KIF18A: variants seen among roughly 807,000 people sequenced by gnomAD.
KIF18A encodes the protein kinesin-like protein KIF18A.
KIF18A carries 67 observed loss-of-function variants against 103.3 expected under a neutral mutation model. That is an observed-to-expected ratio of 0.65 (90% confidence interval 0.53 to 0.79). KIF18A has a LOEUF of 0.79. KIF18A is among the 30% of genes least tolerant of loss of function. The pLI, the probability that KIF18A is intolerant of heterozygous loss-of-function variation, is 0.00. For missense variants in KIF18A, 1,032 were observed against 1,062.5 expected (o/e 0.97, Z 0.40); for synonymous variants, 367 against 355.5 (o/e 1.03, Z -0.36).
chr11:28,067,139 A>G (rs1457169783), intron 11 of KIF18A, among the ~76,000 whole-genome samples: 1 of 152,042 alleles, frequency 6.6e-6, no homozygotes, highest in East Asian at 1.9e-4. Flanking sequence ...CTCCAACTCC[A>G]AAGTCTATCC....
At chr11:28,083,305 T>C (rs1851188857) in intron 7 of KIF18A, 62 bp from the exon 8 acceptor site, 1 of 1,462,312 alleles carries the variant, frequency 6.8e-7, no homozygotes, top group Non-Finnish European at 9.0e-7. Flanking sequence ...GATAAATACA[T>C]GAATAACATG....
At chr11:28,065,118 G>A (rs895347697) in intron 11 of KIF18A, among the ~76,000 whole-genome samples, 3 of 152,072 alleles carry the variant, frequency 2.0e-5, no homozygotes, top group African/African-American at 7.2e-5. Flanking sequence ...GGGGCATAAA[G>A]AGAAGTGGAT....
At position 28,103,676 on chromosome 11, in the gene KIF18A, A is replaced by C. The variant is rs1419703567; in HGVS notation, c.-47+4388T>G. On this transcript the variant is annotated intron_variant, in intron 1 of 16. Coordinates refer to ENST00000263181, the MANE Select transcript of KIF18A (RefSeq NM_031217.4). ...TTTCAAATATACCAATGAATGAATT[A>C]ATAAACTATAAAAAATGCTCACAGA... 2.0e-5 allele frequency among the ~76,000 whole-genome samples: 3 copies of C among 152,102 alleles called. No individual in the cohort carries two copies. In the East Asian group the frequency reaches 5.8e-4, roughly 29 times the overall value.
At chr11:28,088,379 G>A (rs1851258908) in intron 6 of KIF18A, 145 bp downstream of exon 6, 1 of 616,282 alleles carries the variant, frequency 1.6e-6, no homozygotes, top group South Asian at 2.5e-5. Context: ...GTTTTCTGAG[G>A]TCTTTGATCT....
At chr11:28,093,302 C>CT (rs1426036581) in intron 3 of KIF18A, among the ~76,000 whole-genome samples, 7 of 151,998 alleles carry the variant, frequency 4.6e-5, no homozygotes, top group Non-Finnish European at 8.8e-5. Flanking sequence ...AGTTTTACTT[C>CT]TTTTTTATCT....
At chr11:28,050,219 AG>A (rs1486889336) in intron 13 of KIF18A, among the ~76,000 whole-genome samples, 1 of 151,892 alleles carries the variant, frequency 6.6e-6, no homozygotes, top group Non-Finnish European at 1.5e-5. Flanking sequence ...GACAATACAA[AG>A]AACCTTTTAA....
chr11:28,067,342 C>T (rs981993996), intron 11 of KIF18A, among the ~76,000 whole-genome samples: 1 of 152,040 alleles, frequency 6.6e-6, no homozygotes, highest in Non-Finnish European at 1.5e-5. Flanking sequence ...CAATAAATAT[C>T]CACAATAAGG....
chr11:28,098,586 G>C (rs150338333), intron 1 of KIF18A, among the ~76,000 whole-genome samples: 7 of 152,212 alleles, frequency 4.6e-5, no homozygotes, highest in Non-Finnish European at 8.8e-5. Flanking sequence ...CATTCAACTA[G>C]ATAGCTCAGG....
intron 10 of KIF18A, chr11:28,076,539 T>A (rs532710863): frequency 6.6e-6 from 1 of 152,230 alleles, no homozygotes; most frequent in South Asian, 2.1e-4. Flanking sequence ...CACTTAACTA[T>A]GTATTTTAAA....
chr11:28,023,597 T>C, intron 16 of KIF18A, 144 bp downstream of exon 16: 1 of 465,492 alleles, frequency 2.1e-6, no homozygotes, highest in Middle Eastern at 5.6e-4. Flanking sequence ...ATCTATAATA[T>C]GTGGATAATC....
At position 28,107,167 on chromosome 11, in the gene KIF18A, A is replaced by G. The variant is rs140843670; in HGVS notation, c.-47+897T>C. ...TTCTCTAGCATCAAAGTTTATAAAA[A>G]CCTTACAAAAACGAAACAGGAGGCT... On this transcript the variant is annotated intron_variant, in intron 1 of 16. Transcript: ENST00000263181. 3.3e-3 allele frequency among the ~76,000 whole-genome samples: 504 copies of G among 152,284 alleles called. 6 individuals are homozygous for G. The highest frequency in any genetic ancestry group is 0.012 in the African/African-American group (487 of 41,556).
At position 28,021,241 on chromosome 11, in the gene KIF18A, T is replaced by C. The variant is rs1320765597; in HGVS notation, c.2656A>G (p.Arg886Gly). The change falls in exon 17 of 17, where the codon AGA becomes GGA. Residue 886 changes from arginine (R) to glycine (G), a missense_variant. Coordinates refer to ENST00000263181, the MANE Select transcript of KIF18A (RefSeq NM_031217.4). The part of the protein sequence containing the change: ...NICKINPSMV[R>G]KFGRNISKGN... ...TTTGAAATATTTCTTCCAAATTTTC[T>C]AACCATGCTTGGATTTATTTTACAG... is the stretch of plus-strand genomic sequence containing the variant. The C allele has an allele frequency of 1.9e-5, 29 of 1,500,266 alleles. No homozygotes were observed. Among genetic ancestry groups the C allele is most frequent in the Non-Finnish European group, 2.4e-5 (27 of 1,118,146 alleles). The allele number at this position is 1,500,266 out of a possible 1,614,324, so 92.9% of individuals were successfully genotyped here.
chr11:28,068,412 A>C (rs1449285010), intron 11 of KIF18A, among the ~76,000 whole-genome samples: 2 of 149,458 alleles, frequency 1.3e-5, no homozygotes, highest in East Asian at 4.1e-4. Flanking sequence ...CATTCTGCAT[A>C]TGTATCCCAG....
chr11:28,043,378 A>G (rs1299318197), intron 13 of KIF18A, among the ~76,000 whole-genome samples: 1 of 151,918 alleles, frequency 6.6e-6, no homozygotes, highest in African/African-American at 2.4e-5. Context: ...ACAGGAAAAA[A>G]CATAATTATA....
intron 5 of KIF18A, among the ~76,000 whole-genome samples, chr11:28,089,939 G>A (rs765022123): frequency 1.3e-5 from 2 of 152,192 alleles, no homozygotes; most frequent in African/African-American, 2.4e-5. Flanking sequence ...CGAAGAGTTA[G>A]TGGTAAGAAC....
intron 1 of KIF18A, among the ~76,000 whole-genome samples, chr11:28,103,625 CAT>C (rs1851471220): frequency 6.6e-6 from 1 of 151,950 alleles, no homozygotes; most frequent in South Asian, 2.1e-4. Context: ...CCTATTCTCT[CAT>C]AGAGAGTCTA....
intron 2 of KIF18A, among the ~76,000 whole-genome samples, chr11:28,096,440 GGCTTATTCTTAA>G (rs917620618): frequency 8.5e-5 from 13 of 152,072 alleles, no homozygotes; most frequent in African/African-American, 1.4e-4. Flanking sequence ...GGTTTAAAAT[GGCTTATTCTTAA>G]GCTTATTCTT....
At position 28,076,921 on chromosome 11, in the gene KIF18A, A is replaced by G. The variant is rs1851099848; in HGVS notation, c.1425+86T>C. ...TGCACTCCAGCTTGGGCAACAGAAG[A>G]AGAGACTCCTTCTGAAAAAAAAAAA... On this transcript the variant is annotated intron_variant, in intron 10 of 16. Transcript: ENST00000263181. 3 of 698,360 alleles carry G rather than the reference A, an allele frequency of 4.3e-6. No homozygotes were observed. The Admixed American group carries it at 1.1e-4, about 26-fold the overall frequency. The allele number at this position is 698,360 out of a possible 1,614,324, so 43.3% of individuals were successfully genotyped here.
At chr11:28,022,440 A>AT (rs1850258971) in intron 16 of KIF18A, among the ~76,000 whole-genome samples, 5 of 151,482 alleles carry the variant, frequency 3.3e-5, no homozygotes, top group Non-Finnish European at 5.9e-5. Context: ...AATTTTTTAA[A>AT]ATTTTTTTGG....
Sources: allele counts gnomAD v4.1 joint callset (sites outside exome capture counted in the v4.1 genomes callset), GRCh38; gene constraint gnomAD v4.1.1; transcripts MANE v1.5; gene names NCBI Gene and HGNC (gene_info 2026-07-23, HGNC 2026-07-21).